The following GOLGA4 variants were observed in gnomAD, a reference collection of about 807,000 sequenced individuals.
The protein encoded by GOLGA4 is golgin A4.
GOLGA4 carries 169 observed loss-of-function variants against 265.9 expected under a neutral mutation model. That is an observed-to-expected ratio of 0.64 (90% CI 0.56 to 0.72). GOLGA4 has a LOEUF of 0.72. Among genes scored for constraint, GOLGA4 ranks in the 30% least tolerant of loss-of-function variants. GOLGA4 has a pLI of 0.00. For synonymous variants in GOLGA4, 923 were observed against 855.8 expected (o/e 1.08, Z -1.37); for missense variants, 2,482 against 2,483.4 (o/e 1.00, Z 0.01).
intron 16 of GOLGA4, among the ~76,000 whole-genome samples, chr3:37,331,572 G>A (rs1443222118): frequency 2.0e-5 from 3 of 152,166 alleles, no homozygotes; most frequent in African/African-American, 7.2e-5. Context: ...TATGGGATTT[G>A]TATGTATTAT....
chr3:37,294,452 T>C (rs2096873004), intron 5 of GOLGA4, among the ~76,000 whole-genome samples: 1 of 149,624 alleles, frequency 6.7e-6, no homozygotes, highest in African/African-American at 2.5e-5. Flanking sequence ...GTGGCAAGCC[T>C]CAACTCACTG....
At position 37,324,655 on chromosome 3, in the gene GOLGA4, A is replaced by C; in HGVS notation, c.2769A>C (p.Glu923Asp). The C allele has an allele frequency of 1.2e-6, 2 of 1,613,052 alleles. No homozygotes were observed. Among genetic ancestry groups the C allele is most frequent in the Non-Finnish European group, 1.7e-6 (2 of 1,179,530 alleles). The stretch of plus-strand genomic sequence containing the variant: ...AAATGAGAGAAGGACAGAAGAAAGA[A>C]ATTGAGATACTCACACAGAAATTGT... The part of the protein sequence containing the change: ...ILQMREGQKK[E>D]IEILTQKLSA... Residue 923 changes from glutamate to aspartate, a missense_variant, in exon 14 of 24, where the codon GAA (glutamate) becomes GAC (aspartate). This residue lies in a region of GOLGA4 where 1,536 missense variants were observed against 1,483.7 expected (regional missense o/e 1.04). Transcript: ENST00000361924.
chr3:37,266,776 A>G (rs1213323726), intron 2 of GOLGA4: 3 of 734,506 alleles, frequency 4.1e-6, no homozygotes, highest in East Asian at 6.6e-5. Context: ...GCAACATGCC[A>G]TTATGATTTG....
rs115784141 is a variant in GOLGA4, at chr3:37,269,362, C to T, written c.163-12596C>T. Among the ~76,000 whole-genome samples the T allele has an allele frequency of 2.7e-3, 407 of 152,246 alleles. 3 individuals carry two copies. Among genetic ancestry groups the T allele is most frequent in the African/African-American group, 9.4e-3 (392 of 41,540 alleles). ...ACTAAGATGAAAATGGTAGCATTCT[C>T]ACCATGGGACACGTTTACCTATGTA... On this transcript the variant is annotated intron_variant, in intron 2 of 23. Transcript: ENST00000361924.
In GOLGA4 at chr3:37,285,226, C is replaced by G. The variant is rs367810050; in HGVS notation, c.478-788C>G. ...AAATTGCCCAGGCTGGTCTCGAACT[C>G]TTGGGCTCAAGTGATCCTTCTACCT... On this transcript the variant is annotated intron_variant, in intron 3 of 23. Transcript: ENST00000361924. Among the ~76,000 whole-genome samples the G allele has an allele frequency of 1.2e-4, 18 of 146,880 alleles. No individual in the cohort carries two copies. The East Asian group carries it at 3.6e-3, about 29-fold the overall frequency.
intron 5 of GOLGA4, among the ~76,000 whole-genome samples, chr3:37,292,470 G>A (rs2096867330): frequency 6.6e-6 from 1 of 152,078 alleles, no homozygotes; most frequent in Admixed American, 6.5e-5. Context: ...GGCAGATCAC[G>A]AGGTCAAGAG....
At chr3:37,261,483 G>A (rs2096769728) in intron 2 of GOLGA4, among the ~76,000 whole-genome samples, 2 of 152,210 alleles carry the variant, frequency 1.3e-5, no homozygotes, top group Non-Finnish European at 2.9e-5. Flanking sequence ...TTTTGTGAGA[G>A]AATTAAGCCC....
intron 2 of GOLGA4, among the ~76,000 whole-genome samples, chr3:37,263,005 C>G (rs2096774081): frequency 6.6e-6 from 1 of 152,236 alleles, no homozygotes; most frequent in Non-Finnish European, 1.5e-5. Context: ...CACCTTCACT[C>G]ACCACTCACT....
rs763947019 is a variant in GOLGA4 at position 37,326,104 on chromosome 3, A to G, written c.4218A>G (p.Glu1406=). 3.1e-6 allele frequency: 5 copies of G among 1,613,738 alleles called. No individual in the cohort carries two copies. The highest frequency in any genetic ancestry group is 4.2e-6 in the Non-Finnish European group (5 of 1,179,694). ...ISSLRKQYDE[E]KCELLDQVQD... The stretch of plus-strand genomic sequence containing the variant: ...CACTAAGAAAGCAGTATGATGAAGA[A>G]AAATGTGAATTGCTGGATCAGGTGC... The change falls in exon 14 of 24, where the codon GAA becomes GAG. Residue 1406 remains glutamate, a synonymous_variant. Transcript: ENST00000361924.
In GOLGA4 at chr3:37,298,836, A is replaced by G. The variant is rs1315700990; in HGVS notation, c.818A>G (p.Glu273Gly). The part of the protein sequence containing the change: ...NPESDGEPVV[E>G]DGTSVKTLET... ...TCTTATGTTGCTTTATTGTTAGTGG[A>G]AGATGGAACTTCTGTAAAAACACTG... The change falls in exon 8 of 24, where the codon GAA (glutamate) becomes GGA (glycine). Residue 273 changes from glutamate to glycine, a missense_variant. Physicochemically the swap from Glu to Gly is moderately conservative, Grantham distance 98. Transcript: ENST00000361924. 1.2e-6 allele frequency: 2 copies of G among 1,600,866 alleles called. No individual in the cohort carries two copies. The highest frequency in any genetic ancestry group is 1.7e-6 in the Non-Finnish European group (2 of 1,175,510).
rs1188007086 is a variant in GOLGA4 at position 37,327,445 on chromosome 3, G to C, written c.5559G>C (p.Glu1853Asp). The C allele has an allele frequency of 6.2e-7, 1 of 1,612,974 alleles. No homozygotes were observed. Among genetic ancestry groups the C allele is most frequent in the South Asian group, 1.1e-5 (1 of 90,806 alleles). ...AGGAACTAACCTGTCAGATTTTGGA[G>C]CAAAAGATAAAAGAGCTGGATTCCT... ...QEKELTCQIL[E>D]QKIKELDSCL... Residue 1853 changes from glutamate to aspartate, a missense_variant, in exon 14 of 24, where the codon GAG becomes GAC. Glu to Asp is a conservative substitution (Grantham distance 45). This residue lies in a region of GOLGA4 where 942 missense variants were observed against 983.1 expected (regional missense o/e 0.96). Coordinates refer to ENST00000361924, the MANE Select transcript of GOLGA4 (RefSeq NM_002078.5).
intron 19 of GOLGA4, among the ~76,000 whole-genome samples, chr3:37,339,481 T>C (rs746900829): frequency 3.1e-4 from 47 of 152,222 alleles, no homozygotes; most frequent in Non-Finnish European, 5.6e-4. Context: ...GCCAAACTTT[T>C]CTACAGTGGC....
At chr3:37,340,253 G>C (rs1450381399) in intron 20 of GOLGA4, 54 bp downstream of exon 20, 5 of 643,286 alleles carry the variant, frequency 7.8e-6, no homozygotes, top group Non-Finnish European at 1.1e-5. Flanking sequence ...TGGTGGATTT[G>C]TGCATGATTT....
intron 2 of GOLGA4, among the ~76,000 whole-genome samples, chr3:37,259,951 A>T (rs896359842): frequency 3.9e-5 from 6 of 152,174 alleles, no homozygotes; most frequent in African/African-American, 1.4e-4. Flanking sequence ...AATTTGATCA[A>T]CATGATTTAC....
rs915424904 is a variant in GOLGA4 at position 37,325,050 on chromosome 3, C to G, written c.3164C>G (p.Ala1055Gly). Residue 1055 changes from alanine to glycine, a missense_variant, in exon 14 of 24, where the codon GCT (alanine) becomes GGT (glycine). Physicochemically the swap from Ala to Gly is moderately conservative, Grantham distance 60. Coordinates refer to ENST00000361924, the MANE Select transcript of GOLGA4 (RefSeq NM_002078.5). ...TGGGAAAAGAAACTTAATCAGCAAG[C>G]TGAAGAACTTCAGGAAATACATGAA... Reference protein sequence around the residue: ...SIWEKKLNQQAEELQEIHEIQ... With the variant: ...SIWEKKLNQQGEELQEIHEIQ... The G allele has an allele frequency of 8.1e-6, 13 of 1,612,828 alleles. No individual in the cohort carries two copies. The highest frequency in any genetic ancestry group is 1.1e-5 in the Non-Finnish European group (13 of 1,179,634).
intron 23 of GOLGA4, among the ~76,000 whole-genome samples, chr3:37,365,519 T>C (rs1696681291): frequency 6.6e-6 from 1 of 152,138 alleles, no homozygotes; most frequent in South Asian, 2.1e-4. Context: ...CTTTCCACCT[T>C]GGCCTTCCAA....
At chr3:37,270,698 G>C (rs1559365601) in intron 2 of GOLGA4, among the ~76,000 whole-genome samples, 2 of 151,962 alleles carry the variant, frequency 1.3e-5, no homozygotes, top group Non-Finnish European at 2.9e-5. Flanking sequence ...GTTGATCTCT[G>C]TAAAGTATAT....
intron 2 of GOLGA4, among the ~76,000 whole-genome samples, chr3:37,257,054 C>G (rs1327441399): frequency 6.6e-6 from 1 of 152,128 alleles, no homozygotes; most frequent in South Asian, 2.1e-4. Flanking sequence ...AAATGAAACC[C>G]CATGCTGATT....
At chr3:37,328,266 A>T (rs755826315) in intron 14 of GOLGA4, 150 bp from the exon 15 acceptor site, 13 of 678,062 alleles carry the variant, frequency 1.9e-5, no homozygotes, top group East Asian at 5.3e-5. Context: ...ACACACACAC[A>T]CACTCACTCT....
Sources: allele counts gnomAD v4.1 joint callset (sites outside exome capture counted in the v4.1 genomes callset), GRCh38; gene constraint gnomAD v4.1.1; regional missense constraint gnomAD v4.1.1; transcripts MANE v1.5; gene names NCBI Gene and HGNC (gene_info 2026-07-23, HGNC 2026-07-21).